The following GALNTL6 variants were observed in gnomAD, a reference collection of about 807,000 sequenced individuals.
The protein encoded by GALNTL6 is polypeptide N-acetylgalactosaminyltransferase like 6.
A neutral mutation model predicts 73.7 loss-of-function variants in GALNTL6; 46 were observed. That is an observed-to-expected ratio of 0.62 (90% CI 0.49 to 0.80). The LOEUF is 0.80. Among genes scored for constraint, GALNTL6 ranks in the 30% least tolerant of loss-of-function variants. The pLI, the probability that GALNTL6 is intolerant of heterozygous loss-of-function variation, is 0.00. For missense variants in GALNTL6, 604 were observed against 755.0 expected (o/e 0.80, Z 2.34); for synonymous variants, 259 against 263.7 (o/e 0.98, Z 0.17).
At chr4:172,843,003 A>G (rs1743299052) in intron 7 of GALNTL6, among the ~76,000 whole-genome samples, 1 of 152,168 alleles carries the variant, frequency 6.6e-6, no homozygotes, top group South Asian at 2.1e-4. Flanking sequence ...CTTTGTCTCT[A>G]TTATGTGCTG....
At chr4:172,187,616 G>A (rs893909545) in intron 2 of GALNTL6, among the ~76,000 whole-genome samples, 1 of 152,052 alleles carries the variant, frequency 6.6e-6, no homozygotes, top group East Asian at 1.9e-4. Context: ...TTCAAATGAA[G>A]AAAATAACCT....
At chr4:172,441,695 G>A (rs1023006313) in intron 5 of GALNTL6, among the ~76,000 whole-genome samples, 8 of 152,100 alleles carry the variant, frequency 5.3e-5, no homozygotes, top group African/African-American at 9.7e-5. Context: ...GATAAATTTC[G>A]TTCAGGCATG....
At chr4:171,853,563 A>C (rs1578912187) in intron 2 of GALNTL6, among the ~76,000 whole-genome samples, 1 of 103,854 alleles carries the variant, frequency 9.6e-6, no homozygotes, top group African/African-American at 3.7e-5. Context: ...ATTTTTCCCA[A>C]GCTTTTTGCT....
At chr4:171,975,900 C>T (rs1739706726) in intron 2 of GALNTL6, among the ~76,000 whole-genome samples, 1 of 151,664 alleles carries the variant, frequency 6.6e-6, no homozygotes, top group Admixed American at 6.6e-5. Context: ...ACTTCATGCA[C>T]AAAATGTATG....
intron 3 of GALNTL6, among the ~76,000 whole-genome samples, chr4:172,253,092 A>G (rs1737938956): frequency 6.6e-6 from 1 of 151,986 alleles, no homozygotes; most frequent in Non-Finnish European, 1.5e-5. Context: ...ATAAAAAGAC[A>G]GTTTGGTAAT....
At chr4:172,909,752 T>G (rs1411533604) in intron 8 of GALNTL6, among the ~76,000 whole-genome samples, 2 of 152,106 alleles carry the variant, frequency 1.3e-5, no homozygotes, top group African/African-American at 4.8e-5. Context: ...TGTGTATATG[T>G]GTTGGCTCAA....
chr4:172,315,938 A>G (rs1406316982), intron 4 of GALNTL6, among the ~76,000 whole-genome samples: 1 of 152,210 alleles, frequency 6.6e-6, no homozygotes, highest in African/African-American at 2.4e-5. Context: ...TAAGACATCT[A>G]TTTGAAATAT....
chr4:172,748,610 C>G (rs933336434), intron 5 of GALNTL6, among the ~76,000 whole-genome samples: 1 of 151,804 alleles, frequency 6.6e-6, no homozygotes, highest in African/African-American at 2.4e-5. Flanking sequence ...GCTGGGGTTA[C>G]GGGTAGATAC....
At chr4:172,531,655 A>G (rs1299065964) in intron 5 of GALNTL6, among the ~76,000 whole-genome samples, 2 of 152,302 alleles carry the variant, frequency 1.3e-5, no homozygotes, top group Middle Eastern at 3.4e-3. Flanking sequence ...GTCCCTGCCA[A>G]GTCGACCACA....
At chr4:172,092,854 A>T (rs925641476) in intron 2 of GALNTL6, among the ~76,000 whole-genome samples, 90 of 151,178 alleles carry the variant, frequency 6.0e-4, no homozygotes, top group African/African-American at 2.0e-3. Flanking sequence ...TATTAAGGCT[A>T]AAGCTAATTT....
intron 5 of GALNTL6, among the ~76,000 whole-genome samples, chr4:172,379,851 G>A (rs1485141479): frequency 6.6e-6 from 1 of 151,992 alleles, no homozygotes; most frequent in Non-Finnish European, 1.5e-5. Flanking sequence ...CATACTTTTT[G>A]ACAGTGAATC....
intron 5 of GALNTL6, among the ~76,000 whole-genome samples, chr4:172,478,238 G>A (rs950056650): frequency 1.3e-5 from 2 of 152,182 alleles, no homozygotes; most frequent in African/African-American, 2.4e-5. Context: ...GAACAAAGTT[G>A]GAGGCATCAC....
chr4:173,021,609 T>C lies in GALNTL6; in HGVS notation c.1622T>C (p.Leu541Pro). The change falls in exon 12 of 13, where the codon CTC (leucine) becomes CCC (proline). Residue 541 changes from leucine to proline, a missense_variant. Physicochemically the swap from Leu to Pro is moderately conservative, Grantham distance 98. Coordinates refer to ENST00000506823, the MANE Select transcript of GALNTL6 (RefSeq NM_001034845.3). ...YDCHGMKGNQ[L>P]WGYRKDRTLF... is the part of the protein sequence containing the mutation. ...TGTCATGGCATGAAGGGGAACCAGC[T>C]CTGGGGATACCGGAAGGTAAGAGTC... 6.2e-7 allele frequency: 1 copy of C among 1,614,054 alleles called. No homozygotes were observed. The highest frequency in any genetic ancestry group is 8.5e-7 in the Non-Finnish European group (1 of 1,179,982).
In GALNTL6 at chr4:172,079,483, CATAA is replaced by C. The variant is rs565127055; in HGVS notation, c.139-150169_139-150166del. Among the ~76,000 whole-genome samples the C allele has an allele frequency of 4.1e-3, 618 of 152,018 alleles. 3 individuals are homozygous for C. The highest frequency in any genetic ancestry group is 0.014 in the African/African-American group (580 of 41,480). On this transcript the variant is annotated intron_variant, in intron 2 of 12. Transcript: ENST00000506823. ...CTGTAATTTTGATTTATTGATAAAT[CATAA>C]ATACTTACATTTAAAATGGTTCCAC...
intron 2 of GALNTL6, among the ~76,000 whole-genome samples, chr4:172,083,521 G>C (rs1466709567): frequency 6.6e-6 from 1 of 152,178 alleles, no homozygotes; most frequent in Admixed American, 6.5e-5. Context: ...TGCATTAACT[G>C]TATTTTCTAC....
intron 2 of GALNTL6, chr4:171,815,032 G>A: frequency 2.2e-6 from 1 of 458,562 alleles, no homozygotes; most frequent in Non-Finnish European, 3.8e-6. Flanking sequence ...AGCTATGGAG[G>A]TGGGAGTGGG....
chr4:172,845,090 C>A (rs530098767), intron 7 of GALNTL6, among the ~76,000 whole-genome samples: 2 of 151,570 alleles, frequency 1.3e-5, no homozygotes, highest in African/African-American at 2.4e-5. Flanking sequence ...TGGTGGCATG[C>A]GCCAGTAGTC....
chr4:172,190,935 C>G (rs1361235719), intron 2 of GALNTL6, among the ~76,000 whole-genome samples: 1 of 152,198 alleles, frequency 6.6e-6, no homozygotes, highest in Non-Finnish European at 1.5e-5. Flanking sequence ...CTTACTGGAA[C>G]ACATTTGTCT....
At chr4:172,806,147 T>C (rs115792833) in intron 5 of GALNTL6, among the ~76,000 whole-genome samples, 1 of 152,238 alleles carries the variant, frequency 6.6e-6, no homozygotes, top group East Asian at 1.9e-4. Context: ...TTATAGGTAA[T>C]TGGATGTTAC....
Sources: allele counts gnomAD v4.1 joint callset (sites outside exome capture counted in the v4.1 genomes callset), GRCh38; gene constraint gnomAD v4.1.1; transcripts MANE v1.5; gene names NCBI Gene and HGNC (gene_info 2026-07-23, HGNC 2026-07-21).